The following GATAD2B variants were observed in gnomAD, a reference collection of about 807,000 sequenced individuals.
GATAD2B encodes GATA zinc finger domain containing 2B.
GATAD2B carries 8 observed loss-of-function variants against 64.3 expected under a neutral mutation model. The ratio of observed to expected loss-of-function variants is 0.12; its 90% confidence interval spans 0.07 to 0.22. The LOEUF is 0.22. Among genes scored for constraint, GATAD2B ranks in the 10% least tolerant of loss-of-function variants. GATAD2B has a pLI of 1.00. For synonymous variants in GATAD2B, 281 were observed against 271.3 expected, an observed-to-expected ratio of 1.04 and a Z score of -0.35; for missense variants, 453 against 752.0, an observed-to-expected ratio of 0.60 and a Z score of 4.65.
At chr1:153,814,590 T>C (rs970094815) in intron 7 of GATAD2B, among the ~76,000 whole-genome samples, 2 of 151,956 alleles carry the variant, frequency 1.3e-5, no homozygotes, top group African/African-American at 4.8e-5. Context: ...CTGGCCCACA[T>C]AGCAAAACCC....
At chr1:153,861,809 T>TATATATATATATACACAC (rs1294838675) in intron 1 of GATAD2B, among the ~76,000 whole-genome samples, 51 of 122,170 alleles carry the variant, frequency 4.2e-4, no homozygotes, top group African/African-American at 1.4e-3. Flanking sequence ...TATATATATA[T>TATATATATATATACACAC]ACACATATGT....
chr1:153,912,026 T>C (rs1678123371), intron 1 of GATAD2B, among the ~76,000 whole-genome samples: 1 of 152,224 alleles, frequency 6.6e-6, no homozygotes, highest in Non-Finnish European at 1.5e-5. Context: ...GGAGCCAGAA[T>C]AGAAAGTTTA....
At position 153,811,742 on chromosome 1, in the gene GATAD2B, A is replaced by G; in HGVS notation, c.1637T>C (p.Leu546Pro). 6.2e-7 allele frequency: 1 copy of G among 1,605,850 alleles called. No homozygotes were observed. The highest frequency in any genetic ancestry group is 8.5e-7 in the Non-Finnish European group (1 of 1,173,724). ...TTAATCCTTCTTACCTGGCATACCA[A>G]GGAGGCCACCTGGCACAGACAACTG... ...APQLSVPGGLLGMPGVNIAYL... is the reference protein window; with the variant it reads ...APQLSVPGGLPGMPGVNIAYL... Residue 546 changes from leucine to proline, a missense_variant, in exon 10 of 11, where the codon CTT (leucine) becomes CCT (proline). Around this residue, in one of 2 missense-constraint regions of GATAD2B, gnomAD observed 160 missense variants for 334.7 expected, o/e 0.48. Coordinates refer to ENST00000368655, the MANE Select transcript of GATAD2B (RefSeq NM_020699.4).
At chr1:153,902,902 C>T (rs1677822356) in intron 1 of GATAD2B, among the ~76,000 whole-genome samples, 1 of 152,150 alleles carries the variant, frequency 6.6e-6, no homozygotes, top group African/African-American at 2.4e-5. Flanking sequence ...GAGGCCTTTG[C>T]AGTTTCCCAC....
intron 1 of GATAD2B, among the ~76,000 whole-genome samples, chr1:153,909,097 T>C (rs544578657): frequency 3.9e-5 from 6 of 152,112 alleles, no homozygotes; most frequent in Non-Finnish European, 8.8e-5. Context: ...CTCAGCTACT[T>C]GGGAGACTAA....
intron 1 of GATAD2B, among the ~76,000 whole-genome samples, chr1:153,850,796 C>G (rs1322581272): frequency 6.6e-6 from 1 of 151,822 alleles, no homozygotes; most frequent in Non-Finnish European, 1.5e-5. Context: ...TGGTGTGCGC[C>G]TATAATCTCA....
chr1:153,852,677 T>C (rs1675943548), intron 1 of GATAD2B: 1 of 904,162 alleles, frequency 1.1e-6, no homozygotes, highest in Non-Finnish European at 1.9e-6. Context: ...CTTGGCTTTT[T>C]TGCTTAGCTT....
chr1:153,854,968 AGGT>A (rs989967800), intron 1 of GATAD2B, among the ~76,000 whole-genome samples: 2 of 152,184 alleles, frequency 1.3e-5, no homozygotes, highest in Admixed American at 6.6e-5. Context: ...AAAAAAAAAG[AGGT>A]GGTGATACAG....
In GATAD2B at chr1:153,813,439, G is replaced by A; in HGVS notation, c.1230C>T (p.Ala410=). 1 of 1,613,594 alleles carries A rather than the reference G, an allele frequency of 6.2e-7. No individual in the cohort carries two copies. Among genetic ancestry groups the A allele is most frequent in the Non-Finnish European group, 8.5e-7 (1 of 1,179,550 alleles). Residue 410 remains alanine (A), a synonymous_variant, in exon 8 of 11, where the codon GCC becomes GCT. Transcript: ENST00000368655. ...SVIDSQGKSC[A]SLLRVEPFVC... ...CAAAGGGTTCAACCCGCAGAAGTGA[G>A]GCACAGCTTTTGCCTAGATACCAAC...
chr1:153,861,892 A>G (rs1676307789), intron 1 of GATAD2B, among the ~76,000 whole-genome samples: 1 of 148,228 alleles, frequency 6.7e-6, no homozygotes, highest in African/African-American at 2.5e-5. Flanking sequence ...ATATATATGC[A>G]TATCACTAAA....
chr1:153,829,599 T>C (rs1326373915), intron 1 of GATAD2B, among the ~76,000 whole-genome samples: 1 of 151,466 alleles, frequency 6.6e-6, no homozygotes, highest in Non-Finnish European at 1.5e-5. Context: ...TAGCTGGGCG[T>C]GGTGGCGGGC....
intron 1 of GATAD2B, among the ~76,000 whole-genome samples, chr1:153,898,318 A>G (rs998017015): frequency 2.7e-5 from 4 of 148,998 alleles, no homozygotes; most frequent in African/African-American, 7.6e-5. Flanking sequence ...AAAAAAAAAA[A>G]AAAAAGAAAA....
At position 153,816,690 on chromosome 1, in the gene GATAD2B, T is replaced by C. The variant is rs1467880827; in HGVS notation, c.901-102A>G. On this transcript the variant is annotated intron_variant, in intron 6 of 10. Transcript: ENST00000368655. This position sits in a 1 kb window ranked among gnomAD's most constrained non-coding sequence, Gnocchi z 4.9. ...CTGTCTGATCCTGGTTTGGACTACTTAGCTTCTCCAAAAATAGGAGGTGGT... is the reference window on the plus strand; with the variant it reads ...CTGTCTGATCCTGGTTTGGACTACTCAGCTTCTCCAAAAATAGGAGGTGGT... The C allele has an allele frequency of 1.4e-6, 1 of 697,732 alleles. No homozygotes were observed. The highest frequency in any genetic ancestry group is 2.8e-5 in the Admixed American group (1 of 35,812). 43.2% of individuals were successfully genotyped at this position (697,732 alleles called of 1,614,324 possible). A position where few individuals can be genotyped will look rare whatever the true frequency, so the allele number is the denominator to read the frequency against.
At chr1:153,849,131 T>C (rs746753137) in intron 1 of GATAD2B, among the ~76,000 whole-genome samples, 35 of 152,114 alleles carry the variant, frequency 2.3e-4, no homozygotes, top group Admixed American at 7.9e-4. Flanking sequence ...GGGCTATGGG[T>C]GTATGTCACC....
At chr1:153,907,787 T>C (rs1317131174) in intron 1 of GATAD2B, among the ~76,000 whole-genome samples, 2 of 151,472 alleles carry the variant, frequency 1.3e-5, no homozygotes, top group Non-Finnish European at 2.9e-5. Flanking sequence ...TACAAATGCC[T>C]GCCACCACAC....
At position 153,853,321 on chromosome 1, in the gene GATAD2B, G is replaced by C. The variant is rs1675970270; in HGVS notation, c.-1-24973C>G. ...CTGGTCCTTTGTACTGACATGGGCTGAGGACATGGGGTCATATGTGGAGCT... is the reference window on the plus strand; with the variant it reads ...CTGGTCCTTTGTACTGACATGGGCTCAGGACATGGGGTCATATGTGGAGCT... On this transcript the variant is annotated intron_variant, in intron 1 of 10. Transcript: ENST00000368655. 4 of 775,988 alleles carry C rather than the reference G, an allele frequency of 5.2e-6. No homozygotes were observed. In the South Asian group the frequency reaches 5.7e-5, roughly 11 times the overall value. 48.1% of individuals were successfully genotyped at this position (775,988 alleles called of 1,614,324 possible). A position where few individuals can be genotyped will look rare whatever the true frequency, so the allele number is the denominator to read the frequency against.
intron 1 of GATAD2B, among the ~76,000 whole-genome samples, chr1:153,900,825 C>T (rs1210724679): frequency 6.6e-6 from 1 of 152,018 alleles, no homozygotes; most frequent in African/African-American, 2.4e-5. Context: ...TAGTTATTTC[C>T]AATAAAACTT....
intron 1 of GATAD2B, among the ~76,000 whole-genome samples, chr1:153,867,813 C>T (rs1320725451): frequency 3.3e-5 from 5 of 151,424 alleles, no homozygotes; most frequent in East Asian, 3.9e-4. Flanking sequence ...TGAGCCAACA[C>T]GGTGCCACTG....
chr1:153,877,791 T>A lies in GATAD2B; in HGVS notation c.-2+44942A>T, dbSNP rs186124152. On this transcript the variant is annotated intron_variant, in intron 1 of 10. Coordinates refer to ENST00000368655, the MANE Select transcript of GATAD2B (RefSeq NM_020699.4). ...TACCTGGGAGGCTGAGGTGGGAGGA[T>A]CACTTGAATCCAGGAGGCAGAGGCT... Among the ~76,000 whole-genome samples the A allele has an allele frequency of 2.3e-3, 343 of 149,838 alleles. 3 individuals carry two copies. Among genetic ancestry groups the A allele is most frequent in the African/African-American group, 7.8e-3 (315 of 40,642 alleles).
Sources: allele counts gnomAD v4.1 joint callset (sites outside exome capture counted in the v4.1 genomes callset), GRCh38; gene constraint gnomAD v4.1.1; regional missense constraint gnomAD v4.1.1; non-coding constraint Gnocchi (gnomAD v3.1); transcripts MANE v1.5; gene names NCBI Gene and HGNC (gene_info 2026-07-23, HGNC 2026-07-21).